Variants in ILDR1 observed in about 807,000 individuals in gnomAD.
ILDR1 encodes immunoglobulin-like domain-containing receptor 1.
In ILDR1, 56 loss-of-function variants were observed where a neutral mutation model predicts 62.4. The observed-to-expected ratio is 0.90, with a 90% CI of 0.72 to 1.12. ILDR1 has a LOEUF of 1.12. Ranked by LOEUF, ILDR1 falls within the 50% of genes most tolerant of loss-of-function variation. ILDR1 has a pLI of 0.00. For missense variants in ILDR1, 736 were observed against 710.6 expected, an observed-to-expected ratio of 1.04 and a Z score of -0.41; for synonymous variants, 284 against 277.8, an observed-to-expected ratio of 1.02 and a Z score of -0.22.
intron 7 of ILDR1, among the ~76,000 whole-genome samples, chr3:121,991,840 C>G (rs1266304870): frequency 6.6e-6 from 1 of 152,200 alleles, no homozygotes; most frequent in Non-Finnish European, 1.5e-5. Flanking sequence ...TTTTAAAAAA[C>G]TCACAGCAGA....
the ILDR1 span, among the ~76,000 whole-genome samples, chr3:122,052,650 T>C: frequency 6.6e-6 from 1 of 152,168 alleles, no homozygotes; most frequent in African/African-American, 2.4e-5. Flanking sequence ...CTCGGCTCAC[T>C]GCAACCTCCG....
At chr3:122,017,981 T>C (rs920543618) in intron 1 of ILDR1, among the ~76,000 whole-genome samples, 3 of 152,228 alleles carry the variant, frequency 2.0e-5, no homozygotes, top group African/African-American at 7.2e-5. Context: ...GAAGACAGTA[T>C]GGTGATTCCT....
chr3:122,055,389 G>C, the ILDR1 span: 2 of 1,163,758 alleles, frequency 1.7e-6, no homozygotes, highest in Non-Finnish European at 2.6e-6. Flanking sequence ...GCTTGCACAG[G>C]GTGAAAGCTT....
At chr3:121,997,176 C>T (rs528018775) in intron 5 of ILDR1, among the ~76,000 whole-genome samples, 139 of 151,482 alleles carry the variant, frequency 9.2e-4, no homozygotes, top group African/African-American at 3.2e-3. Context: ...ACTGGGATTA[C>T]GGGCATGAGC....
chr3:122,048,199 G>A, the ILDR1 span, among the ~76,000 whole-genome samples: 1 of 152,052 alleles, frequency 6.6e-6, no homozygotes, highest in Admixed American at 6.6e-5. Context: ...TTTTTTCTGT[G>A]TCTATTGAGA....
intron 7 of ILDR1, among the ~76,000 whole-genome samples, chr3:121,989,112 A>G (rs1325982585): frequency 6.6e-6 from 1 of 152,192 alleles, no homozygotes; most frequent in Non-Finnish European, 1.5e-5. Flanking sequence ...AAATAAGAAA[A>G]CGAAGTATCT....
At chr3:122,047,486 G>A in the ILDR1 span, among the ~76,000 whole-genome samples, 1 of 152,246 alleles carries the variant, frequency 6.6e-6, no homozygotes. Context: ...AAGCAAGCCT[G>A]GGCAATGGCG....
At chr3:121,988,977 G>C (rs539336359) in intron 7 of ILDR1, among the ~76,000 whole-genome samples, 1 of 151,958 alleles carries the variant, frequency 6.6e-6, no homozygotes, top group Non-Finnish European at 1.5e-5. Flanking sequence ...CCACTTCCTC[G>C]GTGAGGGTGA....
intron 5 of ILDR1, among the ~76,000 whole-genome samples, chr3:121,997,459 C>T (rs2071453241): frequency 6.6e-6 from 1 of 152,212 alleles, no homozygotes. Context: ...GCATTCCCTC[C>T]TCTATAGCAG....
the ILDR1 span, among the ~76,000 whole-genome samples, chr3:122,032,588 T>A: frequency 6.6e-6 from 1 of 152,218 alleles, no homozygotes; most frequent in Non-Finnish European, 1.5e-5. Flanking sequence ...ACTAAATCCA[T>A]GACCCTCAAG....
chr3:122,006,294 C>G (rs2071609468), intron 2 of ILDR1, among the ~76,000 whole-genome samples: 1 of 152,162 alleles, frequency 6.6e-6, no homozygotes, highest in African/African-American at 2.4e-5. Context: ...AATTAATTGT[C>G]TTGGTGCTAA....
chr3:122,047,878 G>A, the ILDR1 span, among the ~76,000 whole-genome samples: 8 of 152,184 alleles, frequency 5.3e-5, no homozygotes, highest in South Asian at 4.1e-4. Flanking sequence ...CGTCTTCTGC[G>A]TCGCTCACGC....
At chr3:122,040,071 A>G in the ILDR1 span, among the ~76,000 whole-genome samples, 1 of 152,028 alleles carries the variant, frequency 6.6e-6, no homozygotes, top group Non-Finnish European at 1.5e-5. Context: ...AGAGTATGAT[A>G]CATAATTGCC....
At chr3:122,030,771 A>G in the ILDR1 span, among the ~76,000 whole-genome samples, 1 of 152,116 alleles carries the variant, frequency 6.6e-6, no homozygotes, top group African/African-American at 2.4e-5. Context: ...AAAATATCCT[A>G]TTCTTTCCAG....
At chr3:122,037,601 C>T in the ILDR1 span, among the ~76,000 whole-genome samples, 5 of 152,220 alleles carry the variant, frequency 3.3e-5, no homozygotes, top group African/African-American at 7.2e-5. Flanking sequence ...TTTACAGGCT[C>T]GTAGACAGAA....
chr3:122,050,909 G>C, the ILDR1 span, among the ~76,000 whole-genome samples: 1 of 152,132 alleles, frequency 6.6e-6, no homozygotes, highest in African/African-American at 2.4e-5. Context: ...GCCAGAGAGA[G>C]TATTCTTGGT....
chr3:122,009,534 C>T (rs1473398427), intron 1 of ILDR1, among the ~76,000 whole-genome samples: 5 of 152,308 alleles, frequency 3.3e-5, no homozygotes, highest in South Asian at 4.2e-4. Flanking sequence ...AATCTACTGT[C>T]CTTGGCATGA....
At chr3:121,994,084 A>G in intron 6 of ILDR1, 98 bp downstream of exon 6, 2 of 1,495,010 alleles carry the variant, frequency 1.3e-6, no homozygotes, top group Non-Finnish European at 1.8e-6. Context: ...CTCCATCATG[A>G]AGATGCCTGC....
At chr3:122,040,270 A>G in the ILDR1 span, among the ~76,000 whole-genome samples, 1 of 152,020 alleles carries the variant, frequency 6.6e-6, no homozygotes, top group Non-Finnish European at 1.5e-5. Flanking sequence ...ATAAAGTTAC[A>G]TGTAAAACTG....
Sources: allele counts gnomAD v4.1 joint callset (sites outside exome capture counted in the v4.1 genomes callset), GRCh38; gene constraint gnomAD v4.1.1; transcripts MANE v1.5; gene names NCBI Gene and HGNC (gene_info 2026-07-23, HGNC 2026-07-21).